Variants in MTMR6 observed in about 807,000 individuals in gnomAD.
MTMR6 encodes the protein phosphatidylinositol-3,5-bisphosphate 3-phosphatase MTMR6.
MTMR6 carries 47 observed loss-of-function variants against 80.1 expected under a neutral mutation model. The ratio of observed to expected loss-of-function variants is 0.59; its 90% confidence interval spans 0.46 to 0.75. The LOEUF (loss-of-function observed/expected upper bound fraction) is 0.75. Among genes scored for constraint, MTMR6 ranks in the 30% least tolerant of loss-of-function variants. MTMR6 has a pLI of 0.00. For synonymous variants in MTMR6, 254 were observed against 253.0 expected, an observed-to-expected ratio of 1.00 and a Z score of -0.04; for missense variants, 629 against 730.9, an observed-to-expected ratio of 0.86 and a Z score of 1.61.
Position 25,279,599 on chromosome 13 carries a change from A to T in MTMR6, c.25-5412T>A, listed in dbSNP as rs553396575. On this transcript the variant is annotated intron_variant, in intron 1 of 13. Transcript: ENST00000381801. ...ATCTAGTCAAGTAGGTAGAGCCCTG[A>T]CAGTCCTCTATGTCAAGCTACTATC... 2.5e-4 allele frequency among the ~76,000 whole-genome samples: 38 copies of T among 152,310 alleles called. 2 individuals are homozygous for T. In the South Asian group the frequency reaches 7.2e-3, roughly 29 times the overall value.
chr13:25,275,518 A>G (rs866974773), intron 1 of MTMR6, among the ~76,000 whole-genome samples: 2 of 151,968 alleles, frequency 1.3e-5, no homozygotes, highest in South Asian at 4.2e-4. Flanking sequence ...AATCATCTAG[A>G]TAGCTAAACA....
At chr13:25,265,778 A>C in intron 5 of MTMR6, 41 bp downstream of exon 5, 1 of 1,572,954 alleles carries the variant, frequency 6.4e-7, no homozygotes, top group Non-Finnish European at 8.7e-7. Flanking sequence ...CCTGAAGATG[A>C]GTTATACTTT....
rs1304778152 is a variant in MTMR6 at position 25,246,846 on chromosome 13, C to G, written c.*2386G>C. On this transcript the variant is annotated 3_prime_UTR_variant, in exon 14 of 14. Coordinates refer to ENST00000381801, the MANE Select transcript of MTMR6 (RefSeq NM_004685.5). The stretch of plus-strand genomic sequence containing the variant: ...CTAGCTGACCTTTTCAAAACACCCT[C>G]AATAAAATTATCCTCTTGTCAGCCA... 2 of 152,422 alleles carry G rather than the reference C, an allele frequency of 1.3e-5. No homozygotes were observed. The highest frequency in any genetic ancestry group is 2.1e-4 in the South Asian group (1 of 4,830). 9.4% of individuals were successfully genotyped at this position (152,422 alleles called of 1,614,324 possible).
At chr13:25,284,689 C>A (rs1957921347) in intron 1 of MTMR6, among the ~76,000 whole-genome samples, 3 of 152,174 alleles carry the variant, frequency 2.0e-5, no homozygotes, top group Admixed American at 6.5e-5. Context: ...AGCAAACTAA[C>A]TAAATCCAGG....
Position 25,248,848 on chromosome 13 carries a change from A to C in MTMR6, c.*384T>G, listed in dbSNP as rs1444338914. 6.1e-6 allele frequency: 1 copy of C among 162,748 alleles called. No homozygotes were observed. Among genetic ancestry groups the C allele is most frequent in the African/African-American group, 2.4e-5 (1 of 41,446 alleles). The allele number at this position is 162,748 out of a possible 1,614,324, so 10.1% of individuals were successfully genotyped here. On this transcript the variant is annotated 3_prime_UTR_variant, in exon 14 of 14. Transcript: ENST00000381801. ...TACAAAGCTACATAATTGAAAGTAC[A>C]TGCCATATCATTTATTAAGAAACTA...
chr13:25,266,516 G>A (rs755677776), intron 3 of MTMR6, among the ~76,000 whole-genome samples: 4 of 152,176 alleles, frequency 2.6e-5, no homozygotes, highest in Non-Finnish European at 5.9e-5. Flanking sequence ...AATAAATACA[G>A]TCAGAATAGT....
chr13:25,258,299 T>C (rs1957259084), intron 7 of MTMR6, among the ~76,000 whole-genome samples: 1 of 152,072 alleles, frequency 6.6e-6, no homozygotes, highest in Non-Finnish European at 1.5e-5. Flanking sequence ...TTGTCCAAAC[T>C]CAGATGTGTA....
At chr13:25,254,798 G>A (rs956265624) in intron 9 of MTMR6, among the ~76,000 whole-genome samples, 19 of 152,044 alleles carry the variant, frequency 1.2e-4, no homozygotes, top group African/African-American at 4.1e-4. Flanking sequence ...TGCTAACAAA[G>A]GATAACTCTA....
chr13:25,251,149 TG>T lies in MTMR6; in HGVS notation c.1605+499del, dbSNP rs1388626242. ...CTCCTGCTTCAGCCTCCCAAGTAGCTGGGATTACAGGCATGCGCCACCATGC... is the reference window on the plus strand; with the variant it reads ...CTCCTGCTTCAGCCTCCCAAGTAGCTGGATTACAGGCATGCGCCACCATGC... On this transcript the variant is annotated intron_variant, in intron 13 of 13. Transcript: ENST00000381801. The surrounding 1 kb of genome is among the most constrained non-coding windows in gnomAD (Gnocchi z 4.1). 1.3e-5 allele frequency among the ~76,000 whole-genome samples: 2 copies of T among 152,170 alleles called. No individual in the cohort carries two copies. The highest frequency in any genetic ancestry group is 2.9e-5 in the Non-Finnish European group (2 of 68,030).
intron 2 of MTMR6, 70 bp from the exon 3 acceptor site, chr13:25,268,011 G>A: frequency 4.3e-6 from 6 of 1,398,006 alleles, no homozygotes; most frequent in Non-Finnish European, 5.7e-6. Context: ...GAATGCATAA[G>A]TTTAAGAATG....
chr13:25,257,369 A>G, intron 8 of MTMR6, 48 bp from the exon 9 acceptor site: 1 of 1,593,520 alleles, frequency 6.3e-7, no homozygotes, highest in Non-Finnish European at 8.6e-7. Context: ...AGGTAAACCA[A>G]TAAATTCTAC....
intron 9 of MTMR6, among the ~76,000 whole-genome samples, chr13:25,255,232 T>C (rs76614962): frequency 0.068 from 10,294 of 152,310 alleles, 423 homozygotes; most frequent in Admixed American, 0.094. Context: ...TGGCTGAGGA[T>C]GTAGTCGCTG....
intron 1 of MTMR6, among the ~76,000 whole-genome samples, chr13:25,275,718 A>T (rs1009416730): frequency 2.7e-5 from 4 of 150,916 alleles, no homozygotes; most frequent in Non-Finnish European, 5.9e-5. Flanking sequence ...AAAATTAGCT[A>T]GGTGTAGTGG....
chr13:25,257,348 A>G (rs1342198144), intron 8 of MTMR6, 27 bp from the exon 9 acceptor site: 1 of 1,611,380 alleles, frequency 6.2e-7, no homozygotes, highest in Non-Finnish European at 8.5e-7. Context: ...CATACATTCT[A>G]GCGTACTTTA....
chr13:25,254,371 T>A lies in MTMR6; in HGVS notation c.1145+14A>T. ...TAATTTTATAAAATATATGACTGTG[T>A]AACTGTGACTCACCTCTCTGAAAAT... On this transcript the variant is annotated intron_variant, in intron 10 of 13. Coordinates refer to ENST00000381801, the MANE Select transcript of MTMR6 (RefSeq NM_004685.5). The A allele has an allele frequency of 6.5e-7, 1 of 1,547,252 alleles. No individual in the cohort carries two copies. Among genetic ancestry groups the A allele is most frequent in the Non-Finnish European group, 8.9e-7 (1 of 1,121,218 alleles).
intron 1 of MTMR6, among the ~76,000 whole-genome samples, chr13:25,284,111 G>A (rs6491034): frequency 0.86 from 130,118 of 152,162 alleles, 56,393 homozygotes; most frequent in East Asian, 0.98. Flanking sequence ...AAACAATACC[G>A]CATAAATATT....
At position 25,255,295 on chromosome 13, in the gene MTMR6, G is replaced by A. The variant is rs1455148076; in HGVS notation, c.1096-861C>T. Among the ~76,000 whole-genome samples the A allele has an allele frequency of 2.6e-5, 4 of 152,340 alleles. No individual in the cohort carries two copies. In the East Asian group the frequency reaches 5.8e-4, roughly 22 times the overall value. The stretch of plus-strand genomic sequence containing the variant: ...CTTCACCACTTTGTGTGACCTTGTG[G>A]CTGGAGCCACAGATTTTATTCTGGT... On this transcript the variant is annotated intron_variant, in intron 9 of 13. Coordinates refer to ENST00000381801, the MANE Select transcript of MTMR6 (RefSeq NM_004685.5).
At position 25,287,316 on chromosome 13, in the gene MTMR6, C is replaced by A. The variant is rs1420162051; in HGVS notation, c.-69G>T. The A allele has an allele frequency of 1.9e-6, 3 of 1,544,310 alleles. No individual in the cohort carries two copies. Among genetic ancestry groups the A allele is most frequent in the East Asian group, 4.9e-5 (2 of 41,168 alleles). On this transcript the variant is annotated 5_prime_UTR_variant, in exon 1 of 14. Transcript: ENST00000381801. ...TACGGCTACAGAAACAGGGCGGTGA[C>A]AGCGACAGAGAGCAAGCGGGAACTC...
At chr13:25,265,387 G>C (rs946934780) in intron 5 of MTMR6, among the ~76,000 whole-genome samples, 2 of 152,092 alleles carry the variant, frequency 1.3e-5, no homozygotes, top group Admixed American at 6.6e-5. Flanking sequence ...TTTTAAATTT[G>C]CAAAAACGTA....
Sources: gnomAD v4.1 joint callset for allele counts (sites outside exome capture counted in the v4.1 genomes callset) on GRCh38, gnomAD v4.1.1 for gene constraint, Gnocchi (gnomAD v3.1) non-coding constraint, MANE v1.5 for transcripts, NCBI Gene and HGNC (gene_info 2026-07-23, HGNC 2026-07-21) for gene names.